The following MAP4K3 variants were observed in gnomAD, a reference collection of about 807,000 sequenced individuals.
MAP4K3 encodes MAPK/ERK kinase kinase kinase 3.
A neutral mutation model predicts 143.5 loss-of-function variants in MAP4K3; 94 were observed. That is an observed-to-expected ratio of 0.65 (90% CI 0.55 to 0.78). MAP4K3 has a LOEUF of 0.78. Ranked by LOEUF, MAP4K3 falls within the 30% of genes least tolerant of loss-of-function variation. The pLI is 0.00. For synonymous variants in MAP4K3, 416 were observed against 347.2 expected, an observed-to-expected ratio of 1.20 and a Z score of -2.20; for missense variants, 1,077 against 1,068.1, an observed-to-expected ratio of 1.01 and a Z score of -0.12.
In MAP4K3 at chr2:39,258,360, T is replaced by C. The variant is rs899309904; in HGVS notation, c.2458A>G (p.Ile820Val). 1 of 1,599,486 alleles carries C rather than the reference T, an allele frequency of 6.3e-7. No individual in the cohort carries two copies. The highest frequency in any genetic ancestry group is 1.7e-5 in the Admixed American group (1 of 58,970). The change falls in exon 31 of 34, where the codon ATT becomes GTT. Residue 820 changes from isoleucine (I) to valine (V), a missense_variant. By Grantham distance (29) the Ile-to-Val change is conservative. Transcript: ENST00000263881. Reference protein sequence around the residue: ...LSSELTFDFQIESIVCLQDSV... With the variant: ...LSSELTFDFQVESIVCLQDSV... ...AACTTTGACTTACCTATTGATTCAA[T>C]CTGGAAATCAAAGGTGAGTTCTGAT...
intron 31 of MAP4K3, among the ~76,000 whole-genome samples, chr2:39,258,044 G>A (rs1018266934): frequency 6.6e-6 from 1 of 151,926 alleles, no homozygotes; most frequent in African/African-American, 2.4e-5. Context: ...TGATTCTCAT[G>A]CCTCAGCTTC....
chr2:39,380,991 C>T (rs919543543), intron 1 of MAP4K3, among the ~76,000 whole-genome samples: 1 of 152,186 alleles, frequency 6.6e-6, no homozygotes, highest in South Asian at 2.1e-4. Flanking sequence ...GACTCTCAAT[C>T]CCTGGCAACC....
At chr2:39,329,642 G>GC (rs1683618267) in intron 8 of MAP4K3, among the ~76,000 whole-genome samples, 1 of 152,114 alleles carries the variant, frequency 6.6e-6, no homozygotes, top group Admixed American at 6.5e-5. Context: ...AGCAACTATT[G>GC]CCCCCCAATT....
chr2:39,419,813 G>C (rs1448643260), intron 1 of MAP4K3, among the ~76,000 whole-genome samples: 2 of 152,262 alleles, frequency 1.3e-5, no homozygotes, highest in East Asian at 3.9e-4. Context: ...AACTGTGTGT[G>C]GACTGTTTCT....
chr2:39,329,956 A>C (rs537763659), intron 8 of MAP4K3, among the ~76,000 whole-genome samples: 1 of 152,132 alleles, frequency 6.6e-6, no homozygotes, highest in African/African-American at 2.4e-5. Flanking sequence ...GAATGTAGAG[A>C]GTTGAGGAAC....
At chr2:39,354,231 CAGG>C (rs1385580977) in intron 3 of MAP4K3, among the ~76,000 whole-genome samples, 1 of 151,970 alleles carries the variant, frequency 6.6e-6, no homozygotes, top group Non-Finnish European at 1.5e-5. Context: ...ATCACGAGGT[CAGG>C]AGATCGAGAT....
At chr2:39,312,861 A>T (rs941474287) in intron 13 of MAP4K3, among the ~76,000 whole-genome samples, 1 of 152,240 alleles carries the variant, frequency 6.6e-6, no homozygotes, top group African/African-American at 2.4e-5. Context: ...AAATTACATG[A>T]GGACAGTCTT....
intron 12 of MAP4K3, among the ~76,000 whole-genome samples, chr2:39,320,831 AC>A (rs1384566226): frequency 6.6e-6 from 1 of 152,178 alleles, no homozygotes; most frequent in Non-Finnish European, 1.5e-5. Context: ...CTATTGTATT[AC>A]CTTTGAAGGA....
intron 1 of MAP4K3, among the ~76,000 whole-genome samples, chr2:39,391,220 G>C (rs930295662): frequency 6.6e-6 from 1 of 151,652 alleles, no homozygotes; most frequent in Non-Finnish European, 1.5e-5. Context: ...TTAGCCGGGC[G>C]TGGTGGCGGG....
intron 2 of MAP4K3, among the ~76,000 whole-genome samples, chr2:39,365,295 C>G (rs535089081): frequency 6.6e-6 from 1 of 152,004 alleles, no homozygotes; most frequent in African/African-American, 2.4e-5. Context: ...ATGAGGATGT[C>G]GGAGTCTCAT....
intron 1 of MAP4K3, among the ~76,000 whole-genome samples, chr2:39,394,948 C>T (rs1666764448): frequency 6.6e-6 from 1 of 151,974 alleles, no homozygotes; most frequent in African/African-American, 2.4e-5. Flanking sequence ...AATTATTCTT[C>T]CAGAAATAGG....
In MAP4K3 at chr2:39,251,876, C is replaced by G. The variant is rs1359551654; in HGVS notation, c.2551G>C (p.Glu851Gln). The part of the protein sequence containing the change: ...RSFRSNEVTQ[E>Q]ISDSTRIFRL... ...AAAATTCTTGTGCTATCTGAAATTT[C>G]TTGTGTTACCTGTTCAATTAAAACA... is the stretch of plus-strand genomic sequence containing the variant. The change falls in exon 33 of 34, where the codon GAA (glutamate) becomes CAA (glutamine). Residue 851 changes from glutamate to glutamine, a missense_variant. By Grantham distance (29) the Glu-to-Gln change is conservative (BLOSUM62 2). Coordinates refer to ENST00000263881, the MANE Select transcript of MAP4K3 (RefSeq NM_003618.4). 5.6e-6 allele frequency: 9 copies of G among 1,612,796 alleles called. No homozygotes were observed. The South Asian group carries it at 9.9e-5, about 18-fold the overall frequency.
intron 12 of MAP4K3, among the ~76,000 whole-genome samples, chr2:39,316,002 A>T (rs1334382089): frequency 6.6e-6 from 1 of 152,060 alleles, no homozygotes; most frequent in Non-Finnish European, 1.5e-5. Flanking sequence ...AAATTATATA[A>T]CTTATGCTTA....
intron 21 of MAP4K3, among the ~76,000 whole-genome samples, chr2:39,283,115 G>A (rs1413736311): frequency 1.3e-5 from 2 of 152,206 alleles, no homozygotes; most frequent in African/African-American, 4.8e-5. Flanking sequence ...CACAGTGTAT[G>A]AGTGGATGCC....
intron 2 of MAP4K3, among the ~76,000 whole-genome samples, chr2:39,372,691 G>A (rs1201858144): frequency 6.6e-6 from 1 of 152,054 alleles, no homozygotes; most frequent in African/African-American, 2.4e-5. Flanking sequence ...CTGGGGAAAG[G>A]ACAGTCTCTT....
intron 1 of MAP4K3, among the ~76,000 whole-genome samples, chr2:39,426,145 T>C (rs1166282919): frequency 6.6e-6 from 1 of 152,214 alleles, no homozygotes; most frequent in African/African-American, 2.4e-5. Context: ...TTCTTCCTGA[T>C]ACGATTCACT....
chr2:39,358,277 C>G (rs909458111), intron 2 of MAP4K3, among the ~76,000 whole-genome samples: 10 of 152,164 alleles, frequency 6.6e-5, no homozygotes, highest in Non-Finnish European at 1.2e-4. Context: ...CACTAGAATA[C>G]AAAGTCCTCT....
intron 1 of MAP4K3, among the ~76,000 whole-genome samples, chr2:39,420,487 G>A (rs1667515351): frequency 6.6e-6 from 1 of 151,924 alleles, no homozygotes; most frequent in African/African-American, 2.4e-5. Flanking sequence ...TGCAATCATA[G>A]CTTACAGCAG....
At chr2:39,329,343 A>C (rs770542468) in intron 8 of MAP4K3, among the ~76,000 whole-genome samples, 62 of 152,358 alleles carry the variant, frequency 4.1e-4, no homozygotes, top group Non-Finnish European at 5.9e-4. Context: ...ATATATACAC[A>C]TACCATCTTT....
Sources: gnomAD v4.1 joint callset for allele counts (sites outside exome capture counted in the v4.1 genomes callset) on GRCh38, gnomAD v4.1.1 for gene constraint, MANE v1.5 for transcripts, NCBI Gene and HGNC (gene_info 2026-07-23, HGNC 2026-07-21) for gene names.